Variants in PDZD2 observed in about 807,000 individuals in gnomAD.
PDZD2 encodes PDZ domain containing 2, also known as PDZ domain-containing protein 2.
In PDZD2, 90 loss-of-function variants were observed where a neutral mutation model predicts 220.7. That is an observed-to-expected ratio of 0.41 (90% CI 0.34 to 0.49). The LOEUF is 0.49. PDZD2 is among the 20% of genes least tolerant of loss of function. PDZD2 has a pLI of 0.28. For missense variants in PDZD2, 3,174 were observed against 3,608.5 expected (o/e 0.88, Z 3.08); for synonymous variants, 1,375 against 1,450.5 (o/e 0.95, Z 1.18).
chr5:31,994,228 A>G (rs1751455014), intron 3 of PDZD2, among the ~76,000 whole-genome samples: 1 of 151,756 alleles, frequency 6.6e-6, no homozygotes, highest in Admixed American at 6.6e-5. Flanking sequence ...GCTGGTCTTG[A>G]ACTCCTGACC....
At chr5:32,084,205 G>A (rs570963207) in intron 19 of PDZD2, among the ~76,000 whole-genome samples, 3 of 152,294 alleles carry the variant, frequency 2.0e-5, no homozygotes, top group African/African-American at 7.2e-5. Context: ...TAGCTAGTAC[G>A]GTCTCCATGG....
At chr5:32,014,364 C>T (rs59435540) in intron 6 of PDZD2, among the ~76,000 whole-genome samples, 10,389 of 152,232 alleles carry the variant, frequency 0.068, 385 homozygotes, top group East Asian at 0.11. Flanking sequence ...TGAGATTTTC[C>T]TCTCAGAAAG....
At chr5:31,778,217 C>T (rs1015472792) in intron 1 of PDZD2, among the ~76,000 whole-genome samples, 10 of 152,280 alleles carry the variant, frequency 6.6e-5, no homozygotes, top group South Asian at 4.1e-4. Context: ...CCTGTCAAAA[C>T]GGACCAATCA....
intron 4 of PDZD2, among the ~76,000 whole-genome samples, chr5:31,999,875 C>T (rs954626432): frequency 2.6e-5 from 4 of 152,180 alleles, no homozygotes; most frequent in Admixed American, 6.5e-5. Flanking sequence ...ATGGGAGTTT[C>T]ACTGACATTG....
At chr5:32,086,057 G>C (rs1358697008) in intron 19 of PDZD2, among the ~76,000 whole-genome samples, 1 of 152,032 alleles carries the variant, frequency 6.6e-6, no homozygotes, top group Non-Finnish European at 1.5e-5. Context: ...GTCTTCCTGG[G>C]ATAATCTGGC....
intron 7 of PDZD2, among the ~76,000 whole-genome samples, chr5:32,042,019 TCC>T (rs1756217157): frequency 2.8e-5 from 1 of 36,108 alleles, no homozygotes; most frequent in Non-Finnish European, 8.6e-5. Flanking sequence ...ATCGAGACCA[TCC>T]TGGCTAACAC....
At chr5:31,821,572 G>C (rs1199995407) in intron 2 of PDZD2, among the ~76,000 whole-genome samples, 2 of 151,968 alleles carry the variant, frequency 1.3e-5, no homozygotes, top group Non-Finnish European at 2.9e-5. Flanking sequence ...GTAGAGACGG[G>C]GTTTCACCAT....
chr5:31,833,910 C>T (rs940087302), intron 2 of PDZD2, among the ~76,000 whole-genome samples: 8 of 152,206 alleles, frequency 5.3e-5, no homozygotes, highest in Non-Finnish European at 8.8e-5. Context: ...GTACCCTGTG[C>T]CTGCTGGGCA....
intron 1 of PDZD2, among the ~76,000 whole-genome samples, chr5:31,785,681 T>A (rs1322855662): frequency 6.6e-6 from 1 of 151,922 alleles, no homozygotes; most frequent in Non-Finnish European, 1.5e-5. Flanking sequence ...GCTCAAGTGA[T>A]CCTCCTGCCT....
chr5:31,869,790 A>G (rs1387881769), intron 2 of PDZD2, among the ~76,000 whole-genome samples: 2 of 152,218 alleles, frequency 1.3e-5, no homozygotes, highest in South Asian at 2.1e-4. Flanking sequence ...AGTGCCTTCT[A>G]GCAGTGCTGC....
At chr5:31,834,332 T>A (rs1756814364) in intron 2 of PDZD2, among the ~76,000 whole-genome samples, 1 of 152,172 alleles carries the variant, frequency 6.6e-6, no homozygotes, top group South Asian at 2.1e-4. Flanking sequence ...CATTTTTAAC[T>A]AATAACCCTT....
intron 1 of PDZD2, among the ~76,000 whole-genome samples, chr5:31,757,655 G>A (rs1751376113): frequency 6.6e-6 from 1 of 152,090 alleles, no homozygotes; most frequent in South Asian, 2.1e-4. Context: ...ATTGGCTGAG[G>A]TGACGCTGGC....
intron 1 of PDZD2, among the ~76,000 whole-genome samples, chr5:31,793,400 G>T (rs1315748701): frequency 6.6e-6 from 1 of 152,154 alleles, no homozygotes; most frequent in Non-Finnish European, 1.5e-5. Flanking sequence ...CTTTGCACCT[G>T]CAGTTCCCTC....
chr5:31,968,658 A>AC (rs1363208642), intron 2 of PDZD2, among the ~76,000 whole-genome samples: 15 of 149,160 alleles, frequency 1.0e-4, no homozygotes, highest in Non-Finnish European at 1.0e-4. Context: ...TCTGTCTCAA[A>AC]AAACAAACAA....
intron 2 of PDZD2, among the ~76,000 whole-genome samples, chr5:31,893,712 A>G (rs975562241): frequency 6.6e-6 from 1 of 152,052 alleles, no homozygotes; most frequent in Non-Finnish European, 1.5e-5. Context: ...CTCTTATTCT[A>G]TTCTTCTTAT....
At chr5:32,050,079 T>C (rs111772670) in intron 8 of PDZD2, among the ~76,000 whole-genome samples, 1,774 of 152,258 alleles carry the variant, frequency 0.012, 32 homozygotes, top group African/African-American at 0.041. Flanking sequence ...TACAGGTGTG[T>C]GCCACCACAC....
chr5:31,835,473 C>G (rs1756892398), intron 2 of PDZD2, among the ~76,000 whole-genome samples: 1 of 152,010 alleles, frequency 6.6e-6, no homozygotes, highest in African/African-American at 2.4e-5. Context: ...CAAAATTAGC[C>G]AGGCGTGGTG....
chr5:31,926,501 G>C (rs1284370163), intron 2 of PDZD2, among the ~76,000 whole-genome samples: 2 of 120,746 alleles, frequency 1.7e-5, no homozygotes, highest in Non-Finnish European at 3.3e-5. Context: ...ACTCCAGCCT[G>C]GGCAACAAGG....
At position 31,649,125 on chromosome 5, in the gene PDZD2, G is replaced by A. The variant is rs567661427; in HGVS notation, c.-361+9688G>A. On this transcript the variant is annotated intron_variant, in intron 1 of 24. Coordinates refer to ENST00000438447, the MANE Select transcript of PDZD2 (RefSeq NM_178140.4). ...ACTCCTGGGCCCAAGCGGTCCACCC[G>A]CTTTGGCCTCCCAGAGTTCTGGGAT... Among the ~76,000 whole-genome samples, 6 of 151,718 alleles carry A rather than the reference G, an allele frequency of 4.0e-5. No homozygotes were observed. In the South Asian group the frequency reaches 8.4e-4, roughly 21 times the overall value.
Sources: gnomAD v4.1 joint callset for allele counts (sites outside exome capture counted in the v4.1 genomes callset) on GRCh38, gnomAD v4.1.1 for gene constraint, MANE v1.5 for transcripts, NCBI Gene and HGNC (gene_info 2026-07-23, HGNC 2026-07-21) for gene names.